Variants in GRID2 observed in about 807,000 individuals in gnomAD.
GRID2 encodes the protein glutamate ionotropic receptor delta type subunit 2, also known as glutamate receptor ionotropic, delta-2.
In GRID2, 33 loss-of-function variants were observed where a neutral mutation model predicts 114.8. The observed-to-expected ratio is 0.29, with a 90% CI of 0.22 to 0.38. The LOEUF is 0.38. Ranked by LOEUF, GRID2 falls within the 10% of genes least tolerant of loss-of-function variation. The pLI is 1.00. For missense variants in GRID2, 1,184 were observed against 1,257.7 expected (o/e 0.94, Z 0.89); for synonymous variants, 505 against 449.9 (o/e 1.12, Z -1.55).
intron 13 of GRID2, among the ~76,000 whole-genome samples, chr4:93,592,650 A>T (rs961864411): frequency 6.6e-6 from 1 of 152,078 alleles, no homozygotes; most frequent in African/African-American, 2.4e-5. Flanking sequence ...TAATGTTGAC[A>T]GTGGGGTGTT....
chr4:93,187,752 T>G (rs1407720131), intron 4 of GRID2, among the ~76,000 whole-genome samples: 1 of 152,132 alleles, frequency 6.6e-6, no homozygotes, highest in Non-Finnish European at 1.5e-5. Context: ...CAACATACAA[T>G]GATTGGACAG....
chr4:93,578,924 C>T (rs559584438), intron 13 of GRID2, among the ~76,000 whole-genome samples: 1 of 152,088 alleles, frequency 6.6e-6, no homozygotes, highest in Non-Finnish European at 1.5e-5. Context: ...AGACATTCTT[C>T]CATAATAGTT....
At chr4:93,020,519 CAT>C (rs1723178971) in intron 2 of GRID2, among the ~76,000 whole-genome samples, 1 of 152,000 alleles carries the variant, frequency 6.6e-6, no homozygotes, top group Non-Finnish European at 1.5e-5. Context: ...GGTAAAAAAA[CAT>C]AGTTTTGCAT....
intron 2 of GRID2, among the ~76,000 whole-genome samples, chr4:92,793,341 C>T (rs1560595325): frequency 6.6e-6 from 1 of 151,530 alleles, no homozygotes; most frequent in Non-Finnish European, 1.5e-5. Context: ...TTAATATACT[C>T]AATAGCAAAA....
At chr4:92,312,108 A>G (rs1038551497) in intron 1 of GRID2, among the ~76,000 whole-genome samples, 6 of 151,996 alleles carry the variant, frequency 3.9e-5, no homozygotes, top group Admixed American at 2.0e-4. Flanking sequence ...CCATGAGATA[A>G]GACACTAAGA....
At chr4:93,047,462 TC>T (rs1726259640) in intron 2 of GRID2, among the ~76,000 whole-genome samples, 1 of 152,102 alleles carries the variant, frequency 6.6e-6, no homozygotes, top group South Asian at 2.1e-4. Context: ...TTTCTATAAA[TC>T]TAAACTAAAT....
At chr4:93,369,305 A>G (rs1762647284) in intron 8 of GRID2, among the ~76,000 whole-genome samples, 3 of 152,104 alleles carry the variant, frequency 2.0e-5, no homozygotes, top group Admixed American at 6.6e-5. Context: ...AACAGTTGTC[A>G]TTGGGTTTAG....
intron 2 of GRID2, among the ~76,000 whole-genome samples, chr4:92,891,133 G>A (rs1746752492): frequency 6.6e-6 from 1 of 152,084 alleles, no homozygotes; most frequent in African/African-American, 2.4e-5. Context: ...GGGGGCTAGG[G>A]GAGGGATAGC....
At chr4:92,792,697 A>G (rs1177084866) in intron 2 of GRID2, among the ~76,000 whole-genome samples, 3 of 151,894 alleles carry the variant, frequency 2.0e-5, no homozygotes, top group Non-Finnish European at 4.4e-5. Context: ...TATAGAGCAT[A>G]GAGAAATAGA....
chr4:93,105,770 T>C (rs955000634), intron 3 of GRID2, among the ~76,000 whole-genome samples: 1 of 152,188 alleles, frequency 6.6e-6, no homozygotes, highest in Admixed American at 6.5e-5. Context: ...AGACCTCCCT[T>C]TGATGCTCCT....
intron 1 of GRID2, among the ~76,000 whole-genome samples, chr4:92,368,011 G>A (rs1042088991): frequency 6.6e-6 from 1 of 152,094 alleles, no homozygotes; most frequent in African/African-American, 2.4e-5. Flanking sequence ...CAAAGAGAAA[G>A]AAGCGATAGT....
At position 93,758,687 on chromosome 4, in the gene GRID2, G is replaced by T. The variant is rs1732962519; in HGVS notation, c.2361-10523G>T. Among the ~76,000 whole-genome samples the T allele has an allele frequency of 2.0e-5, 3 of 152,038 alleles. No individual in the cohort carries two copies. In the South Asian group the frequency reaches 6.2e-4, roughly 32 times the overall value. On this transcript the variant is annotated intron_variant, in intron 14 of 15. Transcript: ENST00000282020. ...ATCTCACTTATTTTAAAGGTTAATT[G>T]TCAGACTCAAGGATATGAAAATATA...
At chr4:92,743,955 A>T (rs1231706840) in intron 2 of GRID2, among the ~76,000 whole-genome samples, 1 of 152,178 alleles carries the variant, frequency 6.6e-6, no homozygotes, top group East Asian at 1.9e-4. Context: ...TGACCGCTTG[A>T]TATGATGCTC....
intron 14 of GRID2, among the ~76,000 whole-genome samples, chr4:93,747,855 A>T (rs1731981731): frequency 6.6e-6 from 1 of 152,034 alleles, no homozygotes; most frequent in Non-Finnish European, 1.5e-5. Flanking sequence ...GTTATTTGAA[A>T]TCATTTCTTT....
intron 2 of GRID2, among the ~76,000 whole-genome samples, chr4:92,986,062 G>A (rs1002937442): frequency 2.6e-5 from 4 of 152,150 alleles, no homozygotes; most frequent in Non-Finnish European, 5.9e-5. Flanking sequence ...GGTGGAACAG[G>A]TAAAATTGAT....
chr4:92,316,458 A>T (rs1006234617), intron 1 of GRID2, among the ~76,000 whole-genome samples: 1 of 152,128 alleles, frequency 6.6e-6, no homozygotes, highest in African/African-American at 2.4e-5. Context: ...TTATGACTCA[A>T]ATCTCATATT....
chr4:93,208,908 A>G (rs563910916), intron 5 of GRID2, among the ~76,000 whole-genome samples: 1 of 152,126 alleles, frequency 6.6e-6, no homozygotes, highest in East Asian at 1.9e-4. Context: ...GGATAGAGGG[A>G]AAGACAAAGG....
chr4:93,041,598 G>A (rs1434604125), intron 2 of GRID2, among the ~76,000 whole-genome samples: 2 of 152,094 alleles, frequency 1.3e-5, no homozygotes, highest in African/African-American at 2.4e-5. Context: ...CCTCTCAAAT[G>A]TGGGTCACTA....
intron 2 of GRID2, among the ~76,000 whole-genome samples, chr4:92,902,020 T>C (rs1448034258): frequency 1.3e-5 from 2 of 152,214 alleles, no homozygotes; most frequent in African/African-American, 4.8e-5. Context: ...TGTTTATATA[T>C]TTGTTAGTAC....
Sources: gnomAD v4.1 joint callset for allele counts (sites outside exome capture counted in the v4.1 genomes callset) on GRCh38, gnomAD v4.1.1 for gene constraint, MANE v1.5 for transcripts, NCBI Gene and HGNC (gene_info 2026-07-23, HGNC 2026-07-21) for gene names.